IGSF11: variants seen among roughly 807,000 people sequenced by gnomAD.
IGSF11 encodes immunoglobulin superfamily member 11.
IGSF11 carries 22 observed loss-of-function variants against 41.0 expected under a neutral mutation model. That is an observed-to-expected ratio of 0.54 (90% confidence interval 0.38 to 0.77). The LOEUF (loss-of-function observed/expected upper bound fraction) is 0.77, where lower values mean the gene tolerates loss of function less well. IGSF11 is among the 30% of genes least tolerant of loss of function. The pLI is 0.00. For synonymous variants in IGSF11, 219 were observed against 201.3 expected, an observed-to-expected ratio of 1.09 and a Z score of -0.74; for missense variants, 444 against 530.8, an observed-to-expected ratio of 0.84 and a Z score of 1.61.
chr3:119,007,329 C>T (rs1271678334), intron 1 of IGSF11, among the ~76,000 whole-genome samples: 3 of 140,338 alleles, frequency 2.1e-5, no homozygotes, highest in Admixed American at 7.0e-5. Context: ...GGCTCGCGCA[C>T]GGTGCGCGCA....
intron 4 of IGSF11, among the ~76,000 whole-genome samples, chr3:118,924,691 C>CCA (rs1942133620): frequency 3.9e-5 from 6 of 152,028 alleles, no homozygotes; most frequent in Non-Finnish European, 7.4e-5. Context: ...AAGGCTCTTT[C>CCA]TACAGCTATT....
chr3:118,989,047 T>A (rs1348025490), intron 1 of IGSF11, among the ~76,000 whole-genome samples: 5 of 152,194 alleles, frequency 3.3e-5, no homozygotes, highest in Admixed American at 2.0e-4. Flanking sequence ...ATGCTACCCT[T>A]AATTCATTCA....
intron 1 of IGSF11, among the ~76,000 whole-genome samples, chr3:119,043,372 G>A (rs540841030): frequency 6.6e-6 from 1 of 152,250 alleles, no homozygotes; most frequent in Admixed American, 6.5e-5. Context: ...TTAGTCGGGT[G>A]TGAGCTAAGT....
intron 4 of IGSF11, among the ~76,000 whole-genome samples, chr3:118,921,447 G>A (rs1941788804): frequency 6.6e-6 from 1 of 152,106 alleles, no homozygotes; most frequent in South Asian, 2.1e-4. Flanking sequence ...GAATGAAAAG[G>A]AGACTAAATA....
intron 1 of IGSF11, among the ~76,000 whole-genome samples, chr3:118,950,952 C>T (rs1268418852): frequency 6.6e-6 from 1 of 152,090 alleles, no homozygotes; most frequent in East Asian, 1.9e-4. Flanking sequence ...GGTCTGCTGG[C>T]TCTGGCTTGG....
chr3:119,031,673 G>A (rs1414012314), intron 1 of IGSF11, among the ~76,000 whole-genome samples: 2 of 152,166 alleles, frequency 1.3e-5, no homozygotes, highest in Non-Finnish European at 2.9e-5. Flanking sequence ...AGTCCATGTT[G>A]AATATATATG....
Position 118,917,285 on chromosome 3 carries a change from C to A in IGSF11, c.580+8816G>T, listed in dbSNP as rs544586928. 8.7e-5 allele frequency among the ~76,000 whole-genome samples: 13 copies of A among 148,986 alleles called. No homozygotes were observed. In the South Asian group the frequency reaches 2.4e-3, roughly 28 times the overall value. On this transcript the variant is annotated intron_variant, in intron 4 of 6. Coordinates refer to ENST00000393775, the MANE Select transcript of IGSF11 (RefSeq NM_001015887.3). ...AGCAGAACTGAAGGAAATAGAGACA[C>A]AAAAAACCCTTCAAAAAATCAATGA...
intron 1 of IGSF11, among the ~76,000 whole-genome samples, chr3:119,092,422 G>C (rs2076778811): frequency 6.6e-6 from 1 of 152,006 alleles, no homozygotes; most frequent in Admixed American, 6.6e-5. Context: ...TGCAACCTCA[G>C]CCTCCCAGGT....
intron 1 of IGSF11, among the ~76,000 whole-genome samples, chr3:119,069,054 G>A (rs1942322530): frequency 6.6e-6 from 1 of 151,144 alleles, no homozygotes; most frequent in South Asian, 2.1e-4. Flanking sequence ...AGCCTCCCGA[G>A]TAGCTGGGAC....
At chr3:119,125,277 T>A (rs138390815) in intron 1 of IGSF11, among the ~76,000 whole-genome samples, 2 of 152,208 alleles carry the variant, frequency 1.3e-5, no homozygotes, top group African/African-American at 2.4e-5. Flanking sequence ...GCTCCTGTTA[T>A]GCGCGTTCGT....
At chr3:118,934,678 G>T (rs1943109059) in intron 1 of IGSF11, among the ~76,000 whole-genome samples, 1 of 152,072 alleles carries the variant, frequency 6.6e-6, no homozygotes, top group Admixed American at 6.6e-5. Flanking sequence ...TCCTTTGCAT[G>T]CCCACCTCCC....
intron 1 of IGSF11, among the ~76,000 whole-genome samples, chr3:119,130,528 T>C (rs2077467633): frequency 6.6e-6 from 1 of 152,166 alleles, no homozygotes; most frequent in Non-Finnish European, 1.5e-5. Flanking sequence ...TTACTGAGGC[T>C]TGAGTAGGTA....
At chr3:118,989,910 T>A (rs1374722984) in intron 1 of IGSF11, among the ~76,000 whole-genome samples, 1 of 152,104 alleles carries the variant, frequency 6.6e-6, no homozygotes, top group Admixed American at 6.5e-5. Context: ...AAAGGGGAGA[T>A]AACTTTTTAG....
intron 1 of IGSF11, among the ~76,000 whole-genome samples, chr3:119,144,343 A>G (rs2077690323): frequency 6.6e-6 from 1 of 152,348 alleles, no homozygotes; most frequent in Admixed American, 6.5e-5. Flanking sequence ...TCCACCCAAC[A>G]AAAGCAAATA....
At chr3:119,135,914 G>A (rs1397800526) in intron 1 of IGSF11, among the ~76,000 whole-genome samples, 1 of 152,134 alleles carries the variant, frequency 6.6e-6, no homozygotes, top group Non-Finnish European at 1.5e-5. Context: ...TCCTTTGCAG[G>A]GAAATGGATG....
intron 1 of IGSF11, among the ~76,000 whole-genome samples, chr3:119,031,368 C>T (rs1263488692): frequency 6.6e-6 from 1 of 152,192 alleles, no homozygotes. Context: ...CTGCCTGTCC[C>T]TTGCTTTGTA....
intron 1 of IGSF11, among the ~76,000 whole-genome samples, chr3:119,097,047 A>G (rs1417822395): frequency 2.6e-5 from 4 of 152,140 alleles, no homozygotes; most frequent in African/African-American, 9.7e-5. Flanking sequence ...ATTACACTGG[A>G]TCCACCTAGA....
chr3:119,058,192 C>G (rs970193540), intron 1 of IGSF11, among the ~76,000 whole-genome samples: 1 of 151,958 alleles, frequency 6.6e-6, no homozygotes, highest in African/African-American at 2.4e-5. Context: ...AGGCAACCTA[C>G]AAAATGGGAG....
chr3:119,100,918 G>A (rs1011911308), intron 1 of IGSF11, among the ~76,000 whole-genome samples: 7 of 152,248 alleles, frequency 4.6e-5, no homozygotes, highest in Admixed American at 2.0e-4. Context: ...AGAGGGAGAT[G>A]AGGGATGAAT....
Sources: allele counts gnomAD v4.1 joint callset (sites outside exome capture counted in the v4.1 genomes callset), GRCh38; gene constraint gnomAD v4.1.1; transcripts MANE v1.5; gene names NCBI Gene and HGNC (gene_info 2026-07-23, HGNC 2026-07-21).